Variants in FBXL17 observed in about 807,000 individuals in gnomAD.
FBXL17 encodes F-box and leucine rich repeat protein 17, also known as F-box/LRR-repeat protein 17.
A neutral mutation model predicts 66.2 loss-of-function variants in FBXL17; 22 were observed. The ratio of observed to expected loss-of-function variants is 0.33; its 90% CI spans 0.24 to 0.47. The LOEUF is 0.47. Among genes scored for constraint, FBXL17 ranks in the 20% least tolerant of loss-of-function variants. The pLI, the probability that FBXL17 is intolerant of heterozygous loss-of-function variation, is 1.00. For missense variants in FBXL17, 878 were observed against 948.2 expected, an observed-to-expected ratio of 0.93 and a Z score of 0.97; for synonymous variants, 474 against 400.5, an observed-to-expected ratio of 1.18 and a Z score of -2.19.
chr5:108,061,883 A>T (rs2112845759), intron 6 of FBXL17, among the ~76,000 whole-genome samples: 1 of 152,200 alleles, frequency 6.6e-6, no homozygotes, highest in Admixed American at 6.5e-5. Context: ...TACTTAAAAA[A>T]AAAAAAGCCA....
intron 5 of FBXL17, among the ~76,000 whole-genome samples, chr5:108,221,865 G>A (rs78350470): frequency 0.01 from 1,533 of 152,168 alleles, 32 homozygotes; most frequent in African/African-American, 0.034. Context: ...TTGCAGAACC[G>A]ATGCATGTAT....
chr5:108,128,905 G>A (rs1355814011), intron 6 of FBXL17, among the ~76,000 whole-genome samples: 1 of 151,830 alleles, frequency 6.6e-6, no homozygotes, highest in Non-Finnish European at 1.5e-5. Context: ...ACAAAATAAC[G>A]AGCCCAACCA....
chr5:107,959,783 G>T (rs1751821708), intron 7 of FBXL17, among the ~76,000 whole-genome samples: 2 of 152,148 alleles, frequency 1.3e-5, no homozygotes, highest in Non-Finnish European at 1.5e-5. Flanking sequence ...TGCTGAAGTT[G>T]TGGTCAGAAA....
At chr5:108,005,480 A>G (rs988790471) in intron 7 of FBXL17, among the ~76,000 whole-genome samples, 1 of 152,194 alleles carries the variant, frequency 6.6e-6, no homozygotes, top group Admixed American at 6.5e-5. Flanking sequence ...ATACATATAG[A>G]ATCGTTTTTA....
intron 7 of FBXL17, among the ~76,000 whole-genome samples, chr5:107,895,393 T>C (rs141047555): frequency 1.1e-3 from 174 of 152,236 alleles, no homozygotes; most frequent in African/African-American, 4.1e-3. Context: ...AAGTCCAACA[T>C]GATTTCTTAC....
intron 6 of FBXL17, among the ~76,000 whole-genome samples, chr5:108,142,282 C>T (rs996947609): frequency 2.0e-5 from 3 of 152,178 alleles, no homozygotes; most frequent in Non-Finnish European, 4.4e-5. Context: ...CAGTGTTTTG[C>T]TTCTTCTGTA....
chr5:108,140,097 G>C (rs772846540), intron 6 of FBXL17, among the ~76,000 whole-genome samples: 1 of 152,184 alleles, frequency 6.6e-6, no homozygotes, highest in Non-Finnish European at 1.5e-5. Flanking sequence ...CCAGGCTGCA[G>C]TGCAGTAGAG....
At chr5:107,930,761 A>C (rs1431687468) in intron 7 of FBXL17, among the ~76,000 whole-genome samples, 2 of 152,228 alleles carry the variant, frequency 1.3e-5, no homozygotes, top group Non-Finnish European at 2.9e-5. Flanking sequence ...ATATGTAATT[A>C]TGACCTACAG....
chr5:108,009,290 T>TAG lies in FBXL17; in HGVS notation c.1822+11634_1822+11635insCT, dbSNP rs1287152827. Among the ~76,000 whole-genome samples the TAG allele has an allele frequency of 3.3e-4, 18 of 54,712 alleles. 2 individuals are homozygous for TAG. The highest frequency in any genetic ancestry group is 1.8e-3 in the African/African-American group (16 of 8,956). 35.9% of individuals were successfully genotyped at this position (54,712 alleles called of 152,430 possible). A position where few individuals can be genotyped will look rare whatever the true frequency, so the allele number is the denominator to read the frequency against. On this transcript the variant is annotated intron_variant, in intron 7 of 8. Transcript: ENST00000542267. ...ATATATATATATATATATATATATA[T>TAG]ATATATATATACATATATACATACA... is the stretch of plus-strand genomic sequence containing the variant.
At chr5:107,966,457 C>G (rs1030035467) in intron 7 of FBXL17, among the ~76,000 whole-genome samples, 3 of 152,068 alleles carry the variant, frequency 2.0e-5, no homozygotes, top group African/African-American at 7.2e-5. Context: ...GAGAATGTTT[C>G]GAGGAAGGAG....
At chr5:107,915,334 T>C (rs569458173) in intron 7 of FBXL17, among the ~76,000 whole-genome samples, 1 of 152,288 alleles carries the variant, frequency 6.6e-6, no homozygotes, top group African/African-American at 2.4e-5. Flanking sequence ...AGATTTAATG[T>C]TGATTTGTAT....
intron 7 of FBXL17, among the ~76,000 whole-genome samples, chr5:107,985,145 C>T (rs1368376899): frequency 6.6e-6 from 1 of 152,110 alleles, no homozygotes; most frequent in African/African-American, 2.4e-5. Context: ...TTCTGCAATC[C>T]ACTGTTCTTA....
chr5:108,335,803 A>T (rs191704417), intron 4 of FBXL17, among the ~76,000 whole-genome samples: 162 of 152,272 alleles, frequency 1.1e-3, no homozygotes, highest in African/African-American at 3.7e-3. Flanking sequence ...GAAAAATGTG[A>T]TTGTTTTAAA....
Position 108,105,005 on chromosome 5 carries a change from C to T in FBXL17, c.1745+81112G>A, listed in dbSNP as rs530594141. On this transcript the variant is annotated intron_variant, in intron 6 of 8. Coordinates refer to ENST00000542267, the MANE Select transcript of FBXL17 (RefSeq NM_001163315.3). ...TACAGGTGCCCGCCACGATGCCCAG[C>T]TAATTTTTTGTATTTTTAGTAGGGA... 1.8e-3 allele frequency among the ~76,000 whole-genome samples: 271 copies of T among 152,194 alleles called. 1 individual carries two copies. The highest frequency in any genetic ancestry group is 5.8e-3 in the South Asian group (28 of 4,810).
intron 6 of FBXL17, among the ~76,000 whole-genome samples, chr5:108,120,806 C>A (rs1249631116): frequency 6.6e-6 from 1 of 152,048 alleles, no homozygotes; most frequent in Non-Finnish European, 1.5e-5. Context: ...GACTCTGTCT[C>A]TAAATAAATA....
chr5:107,943,627 T>A (rs756154226), intron 7 of FBXL17, among the ~76,000 whole-genome samples: 8 of 151,696 alleles, frequency 5.3e-5, no homozygotes, highest in Non-Finnish European at 1.2e-4. Flanking sequence ...CTCCAAGCTA[T>A]CCTCTACTCC....
chr5:108,176,711 T>C lies in FBXL17; in HGVS notation c.1745+9406A>G, dbSNP rs74347440. Among the ~76,000 whole-genome samples, 939 of 152,250 alleles carry C rather than the reference T, an allele frequency of 6.2e-3. 14 individuals are homozygous for C. Among genetic ancestry groups the C allele is most frequent in the African/African-American group, 0.022 (901 of 41,556 alleles). On this transcript the variant is annotated intron_variant, in intron 6 of 8. Coordinates refer to ENST00000542267, the MANE Select transcript of FBXL17 (RefSeq NM_001163315.3). The stretch of plus-strand genomic sequence containing the variant: ...CTAGGTTAAATACTCTGGTGTTACA[T>C]AGTAAGTAGTATTTCCTTAAAAATG...
chr5:107,873,819 C>T (rs897637808), intron 8 of FBXL17, among the ~76,000 whole-genome samples: 18 of 152,156 alleles, frequency 1.2e-4, no homozygotes, highest in African/African-American at 2.9e-4. Flanking sequence ...AAAGCAATGA[C>T]GCTCCAGGGT....
chr5:107,866,694 C>G (rs1441575342), intron 8 of FBXL17, among the ~76,000 whole-genome samples: 1 of 152,154 alleles, frequency 6.6e-6, no homozygotes, highest in Non-Finnish European at 1.5e-5. Flanking sequence ...ATAAAATTTG[C>G]AGAAGAAGCC....
Sources: gnomAD v4.1 joint callset for allele counts (sites outside exome capture counted in the v4.1 genomes callset) on GRCh38, gnomAD v4.1.1 for gene constraint, MANE v1.5 for transcripts, NCBI Gene and HGNC (gene_info 2026-07-23, HGNC 2026-07-21) for gene names.